Variants in ATP2B2 observed in about 807,000 individuals in gnomAD.
ATP2B2 encodes the protein ATPase plasma membrane Ca2+ transporting 2.
Under a neutral mutation model 120.0 loss-of-function variants are expected in ATP2B2, and 15 were observed. The observed-to-expected ratio is 0.12, with a 90% confidence interval of 0.08 to 0.19. ATP2B2 has a LOEUF of 0.19. Among genes scored for constraint, ATP2B2 ranks in the 10% least tolerant of loss-of-function variants. ATP2B2 has a pLI of 1.00. For missense variants in ATP2B2, 1,045 were observed against 1,719.8 expected (o/e 0.61, Z 6.94); for synonymous variants, 694 against 700.3 (o/e 0.99, Z 0.14).
At chr3:10,620,399 G>A (rs988103547) in intron 1 of ATP2B2, among the ~76,000 whole-genome samples, 1 of 152,184 alleles carries the variant, frequency 6.6e-6, no homozygotes, top group Non-Finnish European at 1.5e-5. Context: ...GGGGCCCTTT[G>A]CAATATTCCT....
At chr3:10,339,457 G>T (rs11924433) in intron 21 of ATP2B2, among the ~76,000 whole-genome samples, 11,373 of 152,278 alleles carry the variant, frequency 0.075, 1,116 homozygotes, top group African/African-American at 0.22. Flanking sequence ...CTTAGGCCCT[G>T]AGTTGGTTCT....
At chr3:10,382,558 T>A (rs569312585) in intron 8 of ATP2B2, among the ~76,000 whole-genome samples, 3 of 151,010 alleles carry the variant, frequency 2.0e-5, no homozygotes, top group Non-Finnish European at 1.5e-5. Context: ...AGTTTCACCA[T>A]GTTGCCCAGG....
intron 1 of ATP2B2, among the ~76,000 whole-genome samples, chr3:10,698,760 G>A (rs368878104): frequency 8.5e-5 from 13 of 152,258 alleles, no homozygotes; most frequent in African/African-American, 3.1e-4. Context: ...GAGTTGTGAA[G>A]AAGCCCACAT....
intron 1 of ATP2B2, among the ~76,000 whole-genome samples, chr3:10,682,414 T>C (rs998722862): frequency 2.0e-5 from 3 of 152,244 alleles, no homozygotes; most frequent in African/African-American, 7.2e-5. Context: ...AGCTCCTTCA[T>C]GCACCTGGAG....
chr3:10,707,585 C>A (rs1370668910), intron 1 of ATP2B2, among the ~76,000 whole-genome samples: 3 of 152,206 alleles, frequency 2.0e-5, no homozygotes, highest in South Asian at 2.1e-4. Context: ...GACGCCCCCC[C>A]AGCTCCGGGG....
chr3:10,544,962 C>G (rs73028976), intron 2 of ATP2B2, among the ~76,000 whole-genome samples: 10,193 of 152,200 alleles, frequency 0.067, 390 homozygotes, highest in East Asian at 0.14. Flanking sequence ...TTGAAAGAGC[C>G]AAACCCTGGA....
chr3:10,553,173 T>C (rs1427409356), intron 2 of ATP2B2, among the ~76,000 whole-genome samples: 1 of 152,240 alleles, frequency 6.6e-6, no homozygotes, highest in African/African-American at 2.4e-5. Context: ...TTTACTAAAA[T>C]AGCTTAGTGA....
intron 1 of ATP2B2, among the ~76,000 whole-genome samples, chr3:10,495,253 T>G (rs1034368542): frequency 1.3e-5 from 2 of 151,882 alleles, no homozygotes; most frequent in African/African-American, 4.8e-5. Flanking sequence ...TCCTGGAGGG[T>G]TGGGGGAGGG....
At chr3:10,670,363 T>A (rs6442197) in intron 1 of ATP2B2, among the ~76,000 whole-genome samples, 124,530 of 152,212 alleles carry the variant, frequency 0.82, 51,590 homozygotes, top group African/African-American at 0.95. Flanking sequence ...ACATTTTTTT[T>A]AACGGGAAAG....
chr3:10,446,896 G>GAGTTCT (rs1326465221), intron 2 of ATP2B2, among the ~76,000 whole-genome samples: 20 of 152,258 alleles, frequency 1.3e-4, no homozygotes. Context: ...TGAGAAAACA[G>GAGTTCT]AGTTCTTTAC....
intron 2 of ATP2B2, among the ~76,000 whole-genome samples, chr3:10,586,728 T>A (rs936813615): frequency 2.6e-5 from 4 of 152,132 alleles, no homozygotes; most frequent in African/African-American, 9.7e-5. Flanking sequence ...AGAGGGAGCA[T>A]CTGGATGGAT....
chr3:10,618,907 T>A (rs1351862758), intron 2 of ATP2B2, among the ~76,000 whole-genome samples: 1 of 152,156 alleles, frequency 6.6e-6, no homozygotes, highest in Non-Finnish European at 1.5e-5. Context: ...TTCTTCCCCA[T>A]CCTCTTCCAA....
chr3:10,613,085 TTCAG>T (rs1212230517), intron 2 of ATP2B2, among the ~76,000 whole-genome samples: 1 of 152,122 alleles, frequency 6.6e-6, no homozygotes, highest in Non-Finnish European at 1.5e-5. Context: ...TGGCTGATGA[TTCAG>T]TCAATCATGT....
intron 2 of ATP2B2, among the ~76,000 whole-genome samples, chr3:10,418,179 G>A (rs555780735): frequency 2.6e-5 from 4 of 152,210 alleles, no homozygotes; most frequent in Admixed American, 6.5e-5. Context: ...AGCATGCATC[G>A]AGCTGTCAAA....
chr3:10,530,142 G>A (rs556450478), intron 3 of ATP2B2, among the ~76,000 whole-genome samples: 10 of 152,286 alleles, frequency 6.6e-5, no homozygotes, highest in African/African-American at 1.9e-4. Context: ...GGCTGAGAGC[G>A]ACCGACACAG....
At chr3:10,397,090 C>T (rs1251718657) in intron 5 of ATP2B2, among the ~76,000 whole-genome samples, 2 of 152,234 alleles carry the variant, frequency 1.3e-5, no homozygotes, top group African/African-American at 2.4e-5. Flanking sequence ...TGAGGCCACA[C>T]AGCAAGTTCG....
chr3:10,545,716 T>C (rs2067531656), intron 2 of ATP2B2, among the ~76,000 whole-genome samples: 2 of 152,212 alleles, frequency 1.3e-5, no homozygotes, highest in South Asian at 2.1e-4. Context: ...TGGTGTTCTC[T>C]TATTGTTAGC....
At chr3:10,706,521 T>C (rs1426562002) in intron 1 of ATP2B2, among the ~76,000 whole-genome samples, 1 of 152,134 alleles carries the variant, frequency 6.6e-6, no homozygotes. Context: ...CCTAACATTC[T>C]ATAGACAGGC....
At chr3:10,441,565 C>T (rs2063668519) in intron 2 of ATP2B2, among the ~76,000 whole-genome samples, 1 of 152,170 alleles carries the variant, frequency 6.6e-6, no homozygotes, top group Non-Finnish European at 1.5e-5. Flanking sequence ...CCTCTGCCCC[C>T]TTGAACCAAG....
Sources: allele counts gnomAD v4.1 joint callset (sites outside exome capture counted in the v4.1 genomes callset), GRCh38; gene constraint gnomAD v4.1.1; transcripts MANE v1.5; gene names NCBI Gene and HGNC (gene_info 2026-07-23, HGNC 2026-07-21).